Variants in EPB41L1 observed in about 807,000 individuals in gnomAD.
EPB41L1 encodes the protein erythrocyte membrane protein band 4.1 like 1.
Under a neutral mutation model 97.8 loss-of-function variants are expected in EPB41L1, and 29 were observed. The observed-to-expected ratio is 0.30, with a 90% CI of 0.22 to 0.40. EPB41L1 has a LOEUF of 0.40. Ranked by LOEUF, EPB41L1 falls within the 10% of genes least tolerant of loss-of-function variation. The pLI is 1.00. For missense variants in EPB41L1, 812 were observed against 1,162.3 expected (o/e 0.70, Z 4.38); for synonymous variants, 383 against 459.2 (o/e 0.83, Z 2.12).
At chr20:36,203,366 T>G (rs186874869) in intron 14 of EPB41L1, among the ~76,000 whole-genome samples, 18 of 152,350 alleles carry the variant, frequency 1.2e-4, no homozygotes, top group African/African-American at 4.1e-4. Context: ...TGGATTAAAT[T>G]TAATAACTCA....
rs116822217 is a variant in EPB41L1, at chr20:36,115,146, C to T, written c.-10+2666C>T. 2.0e-3 allele frequency among the ~76,000 whole-genome samples: 311 copies of T among 152,214 alleles called. 1 individual carries two copies. Among genetic ancestry groups the T allele is most frequent in the African/African-American group, 7.0e-3 (291 of 41,508 alleles). ...TGTCATGACAGTCTTTGGGTAGGTC[C>T]TATTATTACTATTATTTCCCCATAT... is the stretch of plus-strand genomic sequence containing the variant. On this transcript the variant is annotated intron_variant, in intron 2 of 19. Coordinates refer to the EPB41L1 transcript ENST00000202028.
At chr20:36,110,126 A>G (rs1445544572) in intron 1 of EPB41L1, among the ~76,000 whole-genome samples, 1 of 151,972 alleles carries the variant, frequency 6.6e-6, no homozygotes, top group East Asian at 1.9e-4. Flanking sequence ...TTTTTAGTAG[A>G]GACGGGGTTT....
rs377204947 is a variant in EPB41L1 at position 36,209,563 on chromosome 20, G to A, written c.1744G>A (p.Asp582Asn). Residue 582 changes from aspartate to asparagine, a missense_variant, in exon 15 of 22, where the codon GAT (aspartate) becomes AAT (asparagine). This residue lies in a region of EPB41L1 where 498 missense variants were observed against 622.7 expected (regional missense o/e 0.80). Transcript: ENST00000338074. The surrounding 1 kb of genome is among the most constrained non-coding windows in gnomAD (Gnocchi z 4.2). Reference protein sequence around the residue: ...RPRAPESDTGDEDQDQERDTV... With the variant: ...RPRAPESDTGNEDQDQERDTV... ...CCGGGCCCCAGAGAGTGACACAGGCGATGAGGACCAGGACCAGGAGAGGGA... is the reference window on the plus strand; with the variant it reads ...CCGGGCCCCAGAGAGTGACACAGGCAATGAGGACCAGGACCAGGAGAGGGA... The A allele has an allele frequency of 1.3e-5, 21 of 1,613,984 alleles. No individual in the cohort carries two copies. Among genetic ancestry groups the A allele is most frequent in the East Asian group, 2.2e-5 (1 of 44,888 alleles).
chr20:36,179,833 A>C (rs1194814803), intron 5 of EPB41L1, among the ~76,000 whole-genome samples: 2 of 152,212 alleles, frequency 1.3e-5, no homozygotes, highest in African/African-American at 2.4e-5. Flanking sequence ...AGTTGGAGAC[A>C]AAGAGGCAGG....
At chr20:36,136,752 AT>A (rs34321386) in intron 2 of EPB41L1, among the ~76,000 whole-genome samples, 23 of 147,084 alleles carry the variant, frequency 1.6e-4, no homozygotes, top group South Asian at 4.3e-4. Context: ...TACCTGACTA[AT>A]TTTTTTTTTT....
chr20:36,203,632 A>G (rs2062621652), intron 14 of EPB41L1, among the ~76,000 whole-genome samples: 1 of 152,218 alleles, frequency 6.6e-6, no homozygotes. Context: ...TTCTCAAGGA[A>G]ATGAGCAAAA....
At chr20:36,178,142 T>G in intron 4 of EPB41L1, 86 bp downstream of exon 4, 1 of 987,806 alleles carries the variant, frequency 1.0e-6, no homozygotes, top group Non-Finnish European at 1.6e-6. Flanking sequence ...CCATTAGTGC[T>G]CAAATCATTA....
intron 14 of EPB41L1, among the ~76,000 whole-genome samples, chr20:36,201,343 G>T (rs1371682461): frequency 6.6e-6 from 1 of 152,098 alleles, no homozygotes; most frequent in African/African-American, 2.4e-5. Context: ...CTATGCTTAG[G>T]GTCAGGGGTC....
At chr20:36,121,361 T>G (rs1218117424) in intron 2 of EPB41L1, among the ~76,000 whole-genome samples, 1 of 152,178 alleles carries the variant, frequency 6.6e-6, no homozygotes, top group African/African-American at 2.4e-5. Context: ...TTCCATGGGA[T>G]GCATGATTTT....
intron 1 of EPB41L1, among the ~76,000 whole-genome samples, chr20:36,158,303 T>C (rs942390428): frequency 6.6e-6 from 1 of 152,180 alleles, no homozygotes; most frequent in Admixed American, 6.5e-5. Flanking sequence ...CCAGTCTAGC[T>C]GGGAGAGATG....
At chr20:36,198,107 G>A in intron 14 of EPB41L1, 66 bp downstream of exon 14, 2 of 1,414,620 alleles carry the variant, frequency 1.4e-6, no homozygotes, top group East Asian at 2.3e-5. Context: ...GCTGCATCCT[G>A]ACTTACACTC....
At chr20:36,103,113 C>T (rs930555865) in intron 1 of EPB41L1, among the ~76,000 whole-genome samples, 27 of 152,326 alleles carry the variant, frequency 1.8e-4, no homozygotes, top group African/African-American at 6.0e-4. Flanking sequence ...TGAAATTTGT[C>T]TTTAACTCCT....
intron 2 of EPB41L1, among the ~76,000 whole-genome samples, chr20:36,175,145 T>C (rs1416580708): frequency 1.3e-5 from 2 of 152,094 alleles, no homozygotes; most frequent in Non-Finnish European, 2.9e-5. Context: ...CTCCTTTAAC[T>C]CAGTCCACAG....
intron 1 of EPB41L1, among the ~76,000 whole-genome samples, chr20:36,108,303 C>G (rs1366883650): frequency 1.3e-5 from 2 of 151,844 alleles, no homozygotes; most frequent in Non-Finnish European, 2.9e-5. Flanking sequence ...ACATTGATTA[C>G]ATGTTGAGAT....
At chr20:36,117,524 A>C (rs2058623414) in intron 2 of EPB41L1, among the ~76,000 whole-genome samples, 1 of 152,220 alleles carries the variant, frequency 6.6e-6, no homozygotes, top group Admixed American at 6.5e-5. Flanking sequence ...TCTTTTCTAC[A>C]AAGGGCTTTT....
upstream of EPB41L1, chr20:36,150,816 C>A (rs1245884232): frequency 6.6e-6 from 1 of 152,228 alleles, no homozygotes; most frequent in Non-Finnish European, 1.5e-5. Context: ...ATTGTGAATT[C>A]AAGGGCAGAG....
chr20:36,178,561 TTCTC>T (rs1555858578), intron 4 of EPB41L1, 65 bp from the exon 5 acceptor site: 3 of 1,496,300 alleles, frequency 2.0e-6, no homozygotes, highest in South Asian at 2.3e-5. Context: ...TTCAGGATAT[TTCTC>T]TCTCTCAGCC....
chr20:36,159,465 T>C (rs1449454045), intron 1 of EPB41L1, among the ~76,000 whole-genome samples: 3 of 152,208 alleles, frequency 2.0e-5, no homozygotes, highest in Non-Finnish European at 4.4e-5. Context: ...CATTTTGTGC[T>C]TATGACTGCT....
Position 36,212,121 on chromosome 20 carries a change from C to A in EPB41L1, c.2080-151C>A. 1.3e-6 allele frequency: 1 copy of A among 775,226 alleles called. No individual in the cohort carries two copies. Among genetic ancestry groups the A allele is most frequent in the Non-Finnish European group, 2.2e-6 (1 of 452,058 alleles). 48.0% of individuals were successfully genotyped at this position (775,226 alleles called of 1,614,324 possible). On this transcript the variant is annotated intron_variant, in intron 15 of 21. Coordinates refer to ENST00000338074, the MANE Select transcript of EPB41L1 (RefSeq NM_012156.2). The surrounding 1 kb of genome is among the most constrained non-coding windows in gnomAD (Gnocchi z 4.8). Reference sequence around the variant, plus strand: ...GCTATCTGTCTATGATATCACACCACAACTCTTTTACCCTGTCCAGAGTAC... The same window carrying A: ...GCTATCTGTCTATGATATCACACCAAAACTCTTTTACCCTGTCCAGAGTAC...
Sources: gnomAD v4.1 joint callset for allele counts (sites outside exome capture counted in the v4.1 genomes callset) on GRCh38, gnomAD v4.1.1 for gene constraint, gnomAD v4.1.1 regional missense constraint, Gnocchi (gnomAD v3.1) non-coding constraint, MANE v1.5 for transcripts, NCBI Gene and HGNC (gene_info 2026-07-23, HGNC 2026-07-21) for gene names.